TENT5D: variants seen among roughly 807,000 people sequenced by gnomAD.
TENT5D encodes terminal nucleotidyltransferase 5D.
For synonymous variants in TENT5D, 103 were observed against 100.6 expected (o/e 1.02, Z -0.15); for missense variants, 191 against 287.0 (o/e 0.67, Z 2.42).
intron 3 of TENT5D, among the ~76,000 whole-genome samples, chrX:80,348,365 C>T (rs1026024871): frequency 3.6e-5 from 4 of 111,192 alleles, no homozygotes; most frequent in African/African-American, 9.8e-5. Context: ...TATAGTTCTC[C>T]TTGAAGAGGT....
intron 1 of TENT5D, among the ~76,000 whole-genome samples, chrX:80,437,402 A>G (rs929297232): frequency 8.9e-6 from 1 of 111,843 alleles, no homozygotes; most frequent in African/African-American, 3.2e-5. Flanking sequence ...AAGTAATACT[A>G]CAGGTTTTAC....
chrX:80,384,647 A>G (rs1224039893), intron 3 of TENT5D, among the ~76,000 whole-genome samples: 2 of 101,447 alleles, frequency 2.0e-5, no homozygotes, highest in African/African-American at 3.6e-5. Context: ...CCCTGTTTGC[A>G]TATGACATGA....
chrX:80,396,844 G>A (rs1931256818), intron 3 of TENT5D, among the ~76,000 whole-genome samples: 1 of 98,171 alleles, frequency 1.0e-5, no homozygotes, highest in African/African-American at 3.7e-5. Context: ...TTCCCAGTAG[G>A]GGCGGCCGGG....
chrX:80,434,207 T>TAAA (rs369574399), intron 1 of TENT5D, among the ~76,000 whole-genome samples: 5 of 85,050 alleles, frequency 5.9e-5, no homozygotes, highest in Non-Finnish European at 9.5e-5. Context: ...GATCATAAAG[T>TAAA]AAAAAAAAAA....
intron 3 of TENT5D, among the ~76,000 whole-genome samples, chrX:80,381,001 A>G (rs1930854057): frequency 8.9e-6 from 1 of 111,779 alleles, no homozygotes; most frequent in Non-Finnish European, 1.9e-5. Context: ...TCCTGTCATC[A>G]TGATGTTAGC....
At chrX:80,397,946 AGAGGGCGAGG>A (rs778849219) in intron 3 of TENT5D, among the ~76,000 whole-genome samples, 1,792 of 110,666 alleles carry the variant, frequency 0.016, 17 homozygotes, top group Non-Finnish European at 0.027. Context: ...AGACCGTGGG[AGAGGGCGAGG>A]GAGGGAGAGG....
chrX:80,375,900 T>C (rs191092565), intron 3 of TENT5D, among the ~76,000 whole-genome samples: 4 of 111,971 alleles, frequency 3.6e-5, no homozygotes, highest in African/African-American at 1.3e-4. Context: ...TTGATGATTC[T>C]GGTGAAATGG....
At chrX:80,392,925 C>T (rs1931165115) in intron 3 of TENT5D, among the ~76,000 whole-genome samples, 1 of 111,345 alleles carries the variant, frequency 9.0e-6, no homozygotes, top group African/African-American at 3.3e-5. Flanking sequence ...TCTTATTTTC[C>T]TTCTCTTTAT....
intron 3 of TENT5D, among the ~76,000 whole-genome samples, chrX:80,380,061 T>G (rs1210134786): frequency 9.3e-6 from 1 of 107,581 alleles, no homozygotes; most frequent in Non-Finnish European, 1.9e-5. Context: ...AGGGTGTCAA[T>G]TTTAGATCTT....
chrX:80,442,647 G>C (rs151135944), exon 3 of TENT5D: 1 of 1,210,380 alleles, frequency 8.3e-7, no homozygotes, highest in South Asian at 1.8e-5. Flanking sequence ...TCCCCACAAT[G>C]GAGGTAAAAC....
chrX:80,378,982 A>G (rs777590040), intron 3 of TENT5D, among the ~76,000 whole-genome samples: 2 of 108,948 alleles, frequency 1.8e-5, no homozygotes, highest in South Asian at 8.3e-4. Flanking sequence ...TTGCCCATTC[A>G]TTATGATATT....
chrX:80,344,819 C>T lies in TENT5D; in HGVS notation c.-142+2255C>T, dbSNP rs184728610. Among the ~76,000 whole-genome samples the T allele has an allele frequency of 1.7e-4, 19 of 110,791 alleles. No individual in the cohort carries two copies. The East Asian group carries it at 5.4e-3, about 32-fold the overall frequency. On this transcript the variant is annotated intron_variant, in intron 3 of 4. Coordinates refer to the TENT5D transcript ENST00000538312. Reference sequence around the variant, plus strand: ...TTATATTCTCAATTAAATATTATTACCTGTTTGCTTAAGAGACCCCTTCCC... The same window carrying T: ...TTATATTCTCAATTAAATATTATTATCTGTTTGCTTAAGAGACCCCTTCCC...
chrX:80,346,558 A>G (rs1930066121), intron 3 of TENT5D, among the ~76,000 whole-genome samples: 1 of 111,524 alleles, frequency 9.0e-6, no homozygotes, highest in Admixed American at 9.5e-5. Flanking sequence ...GTATCTCATC[A>G]TGTTTTTTAT....
intron 3 of TENT5D, among the ~76,000 whole-genome samples, chrX:80,343,460 C>T (rs1401020660): frequency 2.9e-5 from 3 of 103,442 alleles, no homozygotes; most frequent in Non-Finnish European, 5.9e-5. Flanking sequence ...TGCAATGGCA[C>T]GATCTCGGCT....
intron 3 of TENT5D, among the ~76,000 whole-genome samples, chrX:80,410,991 A>G (rs1208607998): frequency 2.9e-5 from 3 of 104,765 alleles, no homozygotes; most frequent in East Asian, 6.3e-4. Flanking sequence ...AACTATCGCA[A>G]GAACAAAAAA....
At chrX:80,419,540 G>A (rs1015279048), upstream of TENT5D, among the ~76,000 whole-genome samples, 4 of 111,720 alleles carry the variant, frequency 3.6e-5, no homozygotes, top group African/African-American at 1.3e-4. Flanking sequence ...CTACCTATTT[G>A]CCTATCTTTG....
chrX:80,347,135 CAT>C (rs758658599), intron 3 of TENT5D, among the ~76,000 whole-genome samples: 2 of 111,742 alleles, frequency 1.8e-5, no homozygotes, highest in South Asian at 7.6e-4. Flanking sequence ...CTGCAATAAA[CAT>C]ATGTGTGCAT....
chrX:80,363,867 T>TG (rs1930455897), intron 3 of TENT5D, among the ~76,000 whole-genome samples: 1 of 112,640 alleles, frequency 8.9e-6, no homozygotes, highest in Non-Finnish European at 1.9e-5. Flanking sequence ...TTTTGATACA[T>TG]GTAGACATTG....
Position 80,422,779 on chromosome X carries a change from T to C in TENT5D, c.-142+2216T>C, listed in dbSNP as rs567962817. Reference sequence around the variant, plus strand: ...CCTCAGATAGTGTTTAAGAGGGATGTGAAAGATGTATATGGTGTTGGCTAT... The same window carrying C: ...CCTCAGATAGTGTTTAAGAGGGATGCGAAAGATGTATATGGTGTTGGCTAT... On this transcript the variant is annotated intron_variant, in intron 1 of 2. Coordinates refer to ENST00000308293, the Ensembl canonical transcript of TENT5D. 2.6e-3 allele frequency among the ~76,000 whole-genome samples: 292 copies of C among 111,777 alleles called. 1 individual carries two copies. The highest frequency in any genetic ancestry group is 4.0e-3 in the Non-Finnish European group (210 of 53,152).
Sources: gnomAD v4.1 joint callset for allele counts (sites outside exome capture counted in the v4.1 genomes callset) on GRCh38, gnomAD v4.1.1 for gene constraint, MANE v1.5 for transcripts, NCBI Gene and HGNC (gene_info 2026-07-23, HGNC 2026-07-21) for gene names.